ZNF385D: variants seen among roughly 807,000 people sequenced by gnomAD.
ZNF385D encodes the protein zinc finger protein 659.
A neutral mutation model predicts 35.8 loss-of-function variants in ZNF385D; 15 were observed. That is an observed-to-expected ratio of 0.42 (90% CI 0.28 to 0.64). The LOEUF is 0.64. Ranked by LOEUF, ZNF385D falls within the 30% of genes least tolerant of loss-of-function variation. ZNF385D has a pLI of 0.23. For synonymous variants in ZNF385D, 212 were observed against 186.8 expected (o/e 1.13, Z -1.10); for missense variants, 474 against 494.6 (o/e 0.96, Z 0.39).
chr3:21,603,193 A>G (rs1328043740), intron 2 of ZNF385D, among the ~76,000 whole-genome samples: 1 of 152,230 alleles, frequency 6.6e-6, no homozygotes, highest in African/African-American at 2.4e-5. Context: ...TTAAAGAGGT[A>G]TGTGATTTAA....
chr3:22,286,189 G>T (rs1702013369), intron 2 of ZNF385D, among the ~76,000 whole-genome samples: 2 of 151,778 alleles, frequency 1.3e-5, no homozygotes, highest in African/African-American at 2.4e-5. Flanking sequence ...AAATATTTTG[G>T]GTTTAATATT....
At chr3:21,439,108 T>C (rs563911707) in intron 4 of ZNF385D, among the ~76,000 whole-genome samples, 4 of 152,188 alleles carry the variant, frequency 2.6e-5, no homozygotes, top group African/African-American at 4.8e-5. Context: ...TTAAAATAAC[T>C]GTACATACTT....
At chr3:21,867,864 A>G (rs1645120692) in intron 3 of ZNF385D, among the ~76,000 whole-genome samples, 1 of 152,118 alleles carries the variant, frequency 6.6e-6, no homozygotes, top group Admixed American at 6.5e-5. Flanking sequence ...TCACTCTTGA[A>G]CACTTAAAAT....
At chr3:22,172,089 G>A (rs1352492274) in intron 2 of ZNF385D, among the ~76,000 whole-genome samples, 1 of 152,084 alleles carries the variant, frequency 6.6e-6, no homozygotes, top group Non-Finnish European at 1.5e-5. Flanking sequence ...TTAGGTGACT[G>A]TCTTGGAACC....
At chr3:22,037,528 T>G (rs1423431390) in intron 3 of ZNF385D, among the ~76,000 whole-genome samples, 1 of 152,170 alleles carries the variant, frequency 6.6e-6, no homozygotes, top group Non-Finnish European at 1.5e-5. Flanking sequence ...AAGTGTCTGT[T>G]CATATCCTTC....
chr3:22,160,236 T>C (rs1292498044), intron 3 of ZNF385D, among the ~76,000 whole-genome samples: 1 of 152,094 alleles, frequency 6.6e-6, no homozygotes, highest in Non-Finnish European at 1.5e-5. Context: ...CTAATACATA[T>C]ACTGATATAG....
chr3:21,787,470 C>T (rs1398361167), intron 3 of ZNF385D, among the ~76,000 whole-genome samples: 1 of 151,764 alleles, frequency 6.6e-6, no homozygotes, highest in African/African-American at 2.4e-5. Context: ...TACTCCTTAT[C>T]CAGATGCTAA....
chr3:22,088,565 A>G (rs1317360200), intron 3 of ZNF385D, among the ~76,000 whole-genome samples: 1 of 152,170 alleles, frequency 6.6e-6, no homozygotes, highest in Non-Finnish European at 1.5e-5. Flanking sequence ...ACTCCTGAGT[A>G]TGGACACCAA....
At chr3:21,703,430 C>T (rs2067770465) in intron 1 of ZNF385D, among the ~76,000 whole-genome samples, 1 of 152,050 alleles carries the variant, frequency 6.6e-6, no homozygotes. Context: ...ACAGCCAAAC[C>T]ATATTAGTGT....
chr3:22,152,810 T>A (rs1409437944), intron 3 of ZNF385D, among the ~76,000 whole-genome samples: 1 of 152,132 alleles, frequency 6.6e-6, no homozygotes, highest in Non-Finnish European at 1.5e-5. Flanking sequence ...GATGTATACA[T>A]CTTTTGGGGA....
intron 3 of ZNF385D, among the ~76,000 whole-genome samples, chr3:22,123,986 A>ATATATATATATG (rs753742081): frequency 0.011 from 1,377 of 121,566 alleles, 24 homozygotes; most frequent in Non-Finnish European, 0.018. Flanking sequence ...ATATATATAT[A>ATATATATATATG]TATTGCTGAC....
intron 3 of ZNF385D, among the ~76,000 whole-genome samples, chr3:22,099,856 G>C (rs1049709522): frequency 1.8e-4 from 28 of 151,976 alleles, no homozygotes; most frequent in Non-Finnish European, 1.9e-4. Context: ...ATTGGAGCCT[G>C]GTTGTAGAAT....
intron 4 of ZNF385D, among the ~76,000 whole-genome samples, chr3:21,492,602 G>A (rs1047160020): frequency 2.0e-5 from 3 of 150,760 alleles, no homozygotes; most frequent in South Asian, 4.2e-4. Flanking sequence ...GACCAATACG[G>A]TGAAACCTCC....
chr3:22,121,285 C>T (rs1002756212), intron 3 of ZNF385D, among the ~76,000 whole-genome samples: 13 of 152,174 alleles, frequency 8.5e-5, no homozygotes, highest in African/African-American at 1.7e-4. Flanking sequence ...CTCCTGCAAG[C>T]GCTTACAGCA....
chr3:22,299,797 T>C (rs1369641550), intron 2 of ZNF385D, among the ~76,000 whole-genome samples: 1 of 151,856 alleles, frequency 6.6e-6, no homozygotes, highest in Non-Finnish European at 1.5e-5. Context: ...TGTAAAATAT[T>C]GATAAAAGAC....
At chr3:21,912,378 G>C (rs551025008) in intron 3 of ZNF385D, among the ~76,000 whole-genome samples, 1 of 152,002 alleles carries the variant, frequency 6.6e-6, no homozygotes, top group Non-Finnish European at 1.5e-5. Context: ...TTAACATCAA[G>C]TTTTAAGAGG....
At chr3:21,760,498 G>A (rs1391245275) in intron 3 of ZNF385D, among the ~76,000 whole-genome samples, 4 of 152,126 alleles carry the variant, frequency 2.6e-5, no homozygotes, top group African/African-American at 9.7e-5. Flanking sequence ...CGTTATTACT[G>A]CTACTTATAT....
chr3:21,989,705 C>G (rs1413168366), intron 3 of ZNF385D, among the ~76,000 whole-genome samples: 5 of 152,166 alleles, frequency 3.3e-5, no homozygotes, highest in Non-Finnish European at 1.5e-5. Context: ...GCCAAACCAT[C>G]CAGTCTTGTA....
intron 3 of ZNF385D, among the ~76,000 whole-genome samples, chr3:22,131,411 G>GT (rs1056753770): frequency 1.3e-5 from 2 of 152,018 alleles, no homozygotes; most frequent in Non-Finnish European, 2.9e-5. Flanking sequence ...CTTTCAAAGT[G>GT]TTTTTCTATA....
Sources: allele counts gnomAD v4.1 joint callset (sites outside exome capture counted in the v4.1 genomes callset), GRCh38; gene constraint gnomAD v4.1.1; transcripts MANE v1.5; gene names NCBI Gene and HGNC (gene_info 2026-07-23, HGNC 2026-07-21).